The following B4GALT1 variants were observed in gnomAD, a reference collection of about 807,000 sequenced individuals.
The protein encoded by B4GALT1 is beta-1,4-galactosyltransferase 1.
Under a neutral mutation model 34.9 loss-of-function variants are expected in B4GALT1, and 16 were observed. That is an observed-to-expected ratio of 0.46 (90% CI 0.31 to 0.70). The LOEUF (loss-of-function observed/expected upper bound fraction) is 0.70. B4GALT1 is among the 30% of genes least tolerant of loss of function. B4GALT1 has a pLI of 0.05. For synonymous variants in B4GALT1, 221 were observed against 218.1 expected (o/e 1.01, Z -0.12); for missense variants, 445 against 530.5 (o/e 0.84, Z 1.58).
chr9:33,104,822 CTT>C (rs145270477), intron 2 of B4GALT1: 47,404 of 389,592 alleles, frequency 0.12, 1,164 homozygotes, highest in East Asian at 0.3. Context: ...ATCATTTTAC[CTT>C]TTTTTTTTTT....
chr9:33,119,988 A>T (rs1839996485), intron 3 of B4GALT1, among the ~76,000 whole-genome samples: 1 of 152,168 alleles, frequency 6.6e-6, no homozygotes, highest in Non-Finnish European at 1.5e-5. Context: ...GTTCGAGACC[A>T]GACTGGGCAA....
At chr9:33,175,179 T>C in the B4GALT1 span, among the ~76,000 whole-genome samples, 1 of 149,736 alleles carries the variant, frequency 6.7e-6, no homozygotes, top group Non-Finnish European at 1.5e-5. Flanking sequence ...CTGGACATGG[T>C]GGTGCATACC....
intron 1 of B4GALT1, among the ~76,000 whole-genome samples, chr9:33,150,170 A>G (rs936634857): frequency 2.0e-4 from 12 of 60,502 alleles, no homozygotes; most frequent in Admixed American, 1.4e-3. Context: ...CATATATATG[A>G]GAGAGAGAGA....
chr9:33,157,121 T>TACACACACACACACACACAC lies in B4GALT1; in HGVS notation c.412+9617_412+9636dup, dbSNP rs199541947. Among the ~76,000 whole-genome samples the TACACACACACACACACACAC allele has an allele frequency of 1.9e-3, 217 of 113,236 alleles. 11 individuals are homozygous for TACACACACACACACACACAC. The highest frequency in any genetic ancestry group is 6.3e-3 in the African/African-American group (155 of 24,610). The allele number at this position is 113,236 out of a possible 152,430, so 74.3% of individuals were successfully genotyped here. A position where few individuals can be genotyped will look rare whatever the true frequency, so the allele number is the denominator to read the frequency against. Reference sequence around the variant, plus strand: ...ACACACGGTGTCCAGCATAGGGAACTACACACACACACACACACACACACA... The same window carrying TACACACACACACACACACAC: ...ACACACGGTGTCCAGCATAGGGAACTACACACACACACACACACACACACACACACACACACACACACACA... On this transcript the variant is annotated intron_variant, in intron 1 of 5. Transcript: ENST00000379731.
intron 3 of B4GALT1, among the ~76,000 whole-genome samples, chr9:33,117,775 T>C (rs7851385): frequency 0.98 from 148,813 of 152,316 alleles, 72,757 homozygotes; most frequent in East Asian, 1. Flanking sequence ...ACTTAGGTGC[T>C]GAGTCATCCA....
In B4GALT1 at chr9:33,120,358, T is replaced by C; in HGVS notation, c.836+61A>G. 4.4e-6 allele frequency: 7 copies of C among 1,590,810 alleles called. No homozygotes were observed. The South Asian group carries it at 7.8e-5, about 18-fold the overall frequency. ...GCACTCTTGAGCTGCCAGGACTGCA[T>C]TTCCTAGTCAACACATGAGAGAGAC... is the stretch of plus-strand genomic sequence containing the variant. On this transcript the variant is annotated intron_variant, in intron 3 of 5. Transcript: ENST00000379731.
At chr9:33,152,253 G>A (rs746811745) in intron 1 of B4GALT1, among the ~76,000 whole-genome samples, 11 of 151,832 alleles carry the variant, frequency 7.2e-5, no homozygotes, top group Non-Finnish European at 1.0e-4. Context: ...GCAGTGAGCC[G>A]AGATTTCACC....
chr9:33,105,572 T>C (rs979068380), intron 2 of B4GALT1, among the ~76,000 whole-genome samples: 1 of 152,114 alleles, frequency 6.6e-6, no homozygotes, highest in African/African-American at 2.4e-5. Flanking sequence ...TTCCAGAACT[T>C]TTTCATCTTC....
Position 33,167,173 on chromosome 9 carries a change from C to T in B4GALT1, c.-4G>A. ...GGAGCGGCTCCCGAAGCCTCATCTT[C>T]CCGCCGCCGCTTTAAGAAGGGTGTG... is the stretch of plus-strand genomic sequence containing the variant. On this transcript the variant is annotated 5_prime_UTR_variant, in exon 1 of 6. Coordinates refer to ENST00000379731, the MANE Select transcript of B4GALT1 (RefSeq NM_001497.4). 1 of 1,595,428 alleles carries T rather than the reference C, an allele frequency of 6.3e-7. No homozygotes were observed. The highest frequency in any genetic ancestry group is 8.5e-7 in the Non-Finnish European group (1 of 1,172,836).
intron 1 of B4GALT1, among the ~76,000 whole-genome samples, chr9:33,150,561 A>G (rs1840502005): frequency 6.6e-6 from 1 of 152,182 alleles, no homozygotes; most frequent in Non-Finnish European, 1.5e-5. Context: ...TGAAGAATAG[A>G]TCAGTGGTTG....
intron 3 of B4GALT1, among the ~76,000 whole-genome samples, chr9:33,118,307 A>C (rs1422977210): frequency 6.6e-6 from 1 of 152,156 alleles, no homozygotes; most frequent in Non-Finnish European, 1.5e-5. Context: ...CACAGCTCTC[A>C]TGCTCCCAGC....
chr9:33,148,786 T>G (rs1453343120), intron 1 of B4GALT1, among the ~76,000 whole-genome samples: 2 of 148,262 alleles, frequency 1.3e-5, no homozygotes, highest in Admixed American at 6.7e-5. Flanking sequence ...CCATGGAACT[T>G]CTTGCTGTGC....
chr9:33,135,189 C>T lies in B4GALT1; in HGVS notation c.648G>A (p.Gln216=), dbSNP rs1321936129. The T allele has an allele frequency of 6.2e-7, 1 of 1,613,546 alleles. No individual in the cohort carries two copies. The highest frequency in any genetic ancestry group is 8.5e-7 in the Non-Finnish European group (1 of 1,179,654). ...QLDYGIYVIN[Q]AGDTIFNRAK... ...CTCATTCCACCTTCCCAGGCCTCAC[C>T]TGGTTGATAACATAGATGCCATAGT... is the stretch of plus-strand genomic sequence containing the variant. Residue 216 remains glutamine, a splice_region_variant and synonymous_variant, in exon 2 of 6, where the codon CAG becomes CAA. Coordinates refer to ENST00000379731, the MANE Select transcript of B4GALT1 (RefSeq NM_001497.4).
the B4GALT1 span, among the ~76,000 whole-genome samples, chr9:33,183,933 C>T: frequency 3.3e-5 from 5 of 151,938 alleles, no homozygotes; most frequent in South Asian, 2.1e-4. Context: ...AACCAAACAC[C>T]GCATGTTCTC....
intron 1 of B4GALT1, among the ~76,000 whole-genome samples, chr9:33,144,260 G>T (rs1405918153): frequency 6.6e-6 from 1 of 151,882 alleles, no homozygotes; most frequent in African/African-American, 2.4e-5. Flanking sequence ...TTGAGGAGGA[G>T]TCTCACTCTG....
chr9:33,184,252 GTACA>G, the B4GALT1 span, among the ~76,000 whole-genome samples: 18 of 42,416 alleles, frequency 4.2e-4, no homozygotes, highest in African/African-American at 1.8e-3. Flanking sequence ...AGTCACTCTT[GTACA>G]CACACACACA....
intron 1 of B4GALT1, among the ~76,000 whole-genome samples, chr9:33,138,557 C>T (rs372818033): frequency 6.6e-6 from 1 of 152,178 alleles, no homozygotes; most frequent in East Asian, 1.9e-4. Context: ...GATCACCAAG[C>T]GTCACATTTA....
At chr9:33,125,371 G>T (rs537085443) in intron 2 of B4GALT1, among the ~76,000 whole-genome samples, 9 of 152,208 alleles carry the variant, frequency 5.9e-5, no homozygotes, top group African/African-American at 1.9e-4. Flanking sequence ...CGAGGCTGGG[G>T]AGAAGGGTTA....
At chr9:33,180,815 T>C in the B4GALT1 span, among the ~76,000 whole-genome samples, 23,552 of 152,176 alleles carry the variant, frequency 0.15, 2,177 homozygotes, top group East Asian at 0.35. Context: ...CCTCCAGTAC[T>C]ATATACACTG....
Sources: gnomAD v4.1 joint callset for allele counts (sites outside exome capture counted in the v4.1 genomes callset) on GRCh38, gnomAD v4.1.1 for gene constraint, MANE v1.5 for transcripts, NCBI Gene and HGNC (gene_info 2026-07-23, HGNC 2026-07-21) for gene names.